Variants in ARMC2 observed in about 807,000 individuals in gnomAD.
The protein encoded by ARMC2 is armadillo repeat containing 2.
Under a neutral mutation model 90.3 loss-of-function variants are expected in ARMC2, and 67 were observed. The ratio of observed to expected loss-of-function variants is 0.74; its 90% CI spans 0.61 to 0.91. ARMC2 has a LOEUF of 0.91. Ranked by LOEUF, ARMC2 falls within the 40% of genes least tolerant of loss-of-function variation. The pLI is 0.00. For synonymous variants in ARMC2, 393 were observed against 393.0 expected (o/e 1.00, Z 0.00); for missense variants, 920 against 1,030.9 (o/e 0.89, Z 1.47).
intron 11 of ARMC2, among the ~76,000 whole-genome samples, chr6:108,934,588 G>A (rs986445832): frequency 3.9e-5 from 6 of 152,036 alleles, no homozygotes; most frequent in Admixed American, 2.0e-4. Context: ...TTCTTGAAAA[G>A]TTTTAAAAAC....
At chr6:108,967,582 A>G (rs1333662888) in intron 17 of ARMC2, among the ~76,000 whole-genome samples, 1 of 152,184 alleles carries the variant, frequency 6.6e-6, no homozygotes, top group Non-Finnish European at 1.5e-5. Context: ...GCCTGATATA[A>G]AATGACATAG....
intron 5 of ARMC2, among the ~76,000 whole-genome samples, chr6:108,886,575 C>A (rs1412030330): frequency 6.6e-6 from 1 of 152,206 alleles, no homozygotes; most frequent in Non-Finnish European, 1.5e-5. Context: ...GTCTCACAAA[C>A]AAACAAACAA....
intron 13 of ARMC2, among the ~76,000 whole-genome samples, chr6:108,955,262 A>G (rs1209437329): frequency 2.0e-5 from 3 of 152,192 alleles, no homozygotes; most frequent in Admixed American, 6.5e-5. Flanking sequence ...GTGGAGGGAC[A>G]TTGAGTGCAC....
chr6:109,015,464 T>C, the ARMC2 span, among the ~76,000 whole-genome samples: 2 of 152,302 alleles, frequency 1.3e-5, no homozygotes, highest in African/African-American at 4.8e-5. Flanking sequence ...CAGAAACACT[T>C]TGTAACCAAG....
chr6:109,009,387 T>C, the ARMC2 span: 3 of 1,466,536 alleles, frequency 2.0e-6, no homozygotes, highest in Non-Finnish European at 2.7e-6. Flanking sequence ...CCCGCCGCAC[T>C]GCTTGCAGCC....
rs1775254100 is a variant in ARMC2, at chr6:108,928,147, C to T, written c.1410C>T (p.Asn470=). 6.2e-7 allele frequency: 1 copy of T among 1,613,520 alleles called. No homozygotes were observed. The highest frequency in any genetic ancestry group is 8.5e-7 in the Non-Finnish European group (1 of 1,179,676). The change falls in exon 11 of 18, where the codon AAC becomes AAT. Residue 470 remains asparagine (N), a synonymous_variant. Transcript: ENST00000392644. ...DSSLVRSKFL[N]ISALPQLCTA... is the part of the protein sequence containing the mutation. ...CATTAGTAAGAAGTAAGTTCCTAAA[C>T]ATCAGTGCCCTTCCCCAGCTCTGCA... is the stretch of plus-strand genomic sequence containing the variant.
chr6:108,932,420 A>G lies in ARMC2; in HGVS notation c.1496+4187A>G, dbSNP rs957086145. On this transcript the variant is annotated intron_variant, in intron 11 of 17. Transcript: ENST00000392644. Reference sequence around the variant, plus strand: ...TCATCCATCTTGAGTTGATTTTTGTATATAGTGAAAGGAAGGGGTCCAGCT... The same window carrying G: ...TCATCCATCTTGAGTTGATTTTTGTGTATAGTGAAAGGAAGGGGTCCAGCT... Among the ~76,000 whole-genome samples the G allele has an allele frequency of 1.3e-4, 19 of 147,174 alleles. 1 individual carries two copies. The highest frequency in any genetic ancestry group is 4.8e-4 in the African/African-American group (19 of 39,500).
the ARMC2 span, among the ~76,000 whole-genome samples, chr6:108,984,944 A>G: frequency 6.6e-6 from 1 of 152,158 alleles, no homozygotes. Context: ...ATTCTGGCCC[A>G]TATATTGTTA....
rs774943473 is a variant in ARMC2 at position 108,904,221 on chromosome 6, C to T, written c.848-9C>T. On this transcript the variant is annotated splice_polypyrimidine_tract_variant and intron_variant, in intron 7 of 17. Coordinates refer to ENST00000392644, the MANE Select transcript of ARMC2 (RefSeq NM_032131.6). ...AGTAAGTGTTGCTTTACTCTCTTTGCTCTGACAGAAGAAAACATTGAAACG... is the reference window on the plus strand; with the variant it reads ...AGTAAGTGTTGCTTTACTCTCTTTGTTCTGACAGAAGAAAACATTGAAACG... 3 of 1,613,104 alleles carry T rather than the reference C, an allele frequency of 1.9e-6. No individual in the cohort carries two copies. In the East Asian group the frequency reaches 6.7e-5, roughly 36 times the overall value.
intron 1 of ARMC2, 42 bp from the exon 2 acceptor site, chr6:108,854,183 C>T: frequency 9.1e-7 from 1 of 1,103,700 alleles, no homozygotes; most frequent in Non-Finnish European, 1.3e-6. Flanking sequence ...TTATAAAGTC[C>T]TGGACAAAAA....
intron 13 of ARMC2, among the ~76,000 whole-genome samples, chr6:108,960,219 C>T (rs6651001): frequency 2.2e-4 from 34 of 152,308 alleles, no homozygotes; most frequent in African/African-American, 7.7e-4. Context: ...GCGGGGGACA[C>T]CCCGGGTGAT....
At chr6:108,870,847 CAGAG>C (rs1776332028) in intron 4 of ARMC2, among the ~76,000 whole-genome samples, 1 of 152,188 alleles carries the variant, frequency 6.6e-6, no homozygotes. Context: ...GTTCTGTCCT[CAGAG>C]AGCTTACAAT....
At chr6:108,897,675 T>A (rs1771734382) in intron 6 of ARMC2, among the ~76,000 whole-genome samples, 1 of 152,082 alleles carries the variant, frequency 6.6e-6, no homozygotes, top group Admixed American at 6.6e-5. Context: ...ATAGGTAGAT[T>A]GCACAGCGTC....
intron 13 of ARMC2, among the ~76,000 whole-genome samples, chr6:108,954,114 A>T (rs1408057586): frequency 6.6e-6 from 1 of 152,206 alleles, no homozygotes; most frequent in African/African-American, 2.4e-5. Flanking sequence ...CTATCATATT[A>T]GGACCCTACC....
At chr6:108,896,947 GATTTT>G (rs1195811891) in intron 6 of ARMC2, among the ~76,000 whole-genome samples, 1 of 152,094 alleles carries the variant, frequency 6.6e-6, no homozygotes, top group African/African-American at 2.4e-5. Flanking sequence ...TGATAATGTT[GATTTT>G]ATTTTATTTT....
intron 11 of ARMC2, among the ~76,000 whole-genome samples, chr6:108,932,032 T>C (rs935691009): frequency 6.6e-6 from 1 of 152,164 alleles, no homozygotes. Context: ...CCCAAAGTGC[T>C]GGGATTATAG....
chr6:108,879,112 TCATCCATCCATC>T (rs982015100), intron 5 of ARMC2, among the ~76,000 whole-genome samples: 1 of 148,150 alleles, frequency 6.7e-6, no homozygotes, highest in Admixed American at 6.7e-5. Flanking sequence ...ACCCATCCAT[TCATCCATCCATC>T]CATCCATCCG....
At chr6:108,941,456 T>C (rs1172639296) in intron 12 of ARMC2, among the ~76,000 whole-genome samples, 3 of 152,236 alleles carry the variant, frequency 2.0e-5, no homozygotes, top group Admixed American at 6.5e-5. Flanking sequence ...GGTGGAGGCA[T>C]GTCCTGACAA....
intron 17 of ARMC2, among the ~76,000 whole-genome samples, chr6:108,968,559 G>T (rs1170287118): frequency 1.3e-5 from 2 of 152,180 alleles, no homozygotes; most frequent in African/African-American, 4.8e-5. Flanking sequence ...TTTTCTCTTG[G>T]CAATGAGCAC....
Sources: gnomAD v4.1 joint callset for allele counts (sites outside exome capture counted in the v4.1 genomes callset) on GRCh38, gnomAD v4.1.1 for gene constraint, MANE v1.5 for transcripts, NCBI Gene and HGNC (gene_info 2026-07-23, HGNC 2026-07-21) for gene names.